The following GSE1 variants were observed in gnomAD, a reference collection of about 807,000 sequenced individuals.
GSE1 encodes genetic suppressor element 1.
GSE1 carries 32 observed loss-of-function variants against 112.6 expected under a neutral mutation model. That is an observed-to-expected ratio of 0.28 (90% CI 0.21 to 0.38). The LOEUF is 0.38. Among genes scored for constraint, GSE1 ranks in the 10% least tolerant of loss-of-function variants. GSE1 has a pLI of 1.00. For synonymous variants in GSE1, 1,115 were observed against 735.6 expected (o/e 1.52, Z -8.35); for missense variants, 2,348 against 1,699.2 (o/e 1.38, Z -6.71).
rs1234347072 is a variant in GSE1 at position 85,619,487 on chromosome 16, T to TG, written c.7+6095dup. On this transcript the variant is annotated intron_variant, in intron 1 of 15. Coordinates refer to ENST00000253458, the MANE Select transcript of GSE1 (RefSeq NM_014615.5). ...TAACCCTGAGTCTTATCTTCTGGGT[T>TG]GGGGGGCAAAGCCCGGGGGTGCCAA... Among the ~76,000 whole-genome samples the TG allele has an allele frequency of 2.6e-5, 4 of 152,096 alleles. No homozygotes were observed. In the South Asian group the frequency reaches 6.2e-4, roughly 24 times the overall value.
chr16:85,396,822 C>A (rs1252443457), intron 2 of GSE1, among the ~76,000 whole-genome samples: 1 of 152,184 alleles, frequency 6.6e-6, no homozygotes, highest in Non-Finnish European at 1.5e-5. Flanking sequence ...TGGGCGGTTG[C>A]CTGTTTCCTG....
At chr16:85,316,998 G>C (rs2045999765) in intron 1 of GSE1, among the ~76,000 whole-genome samples, 1 of 152,198 alleles carries the variant, frequency 6.6e-6, no homozygotes, top group African/African-American at 2.4e-5. Flanking sequence ...GCGAGTCTCA[G>C]GCCCCGTCCC....
chr16:85,628,888 G>A (rs1314788245), intron 1 of GSE1, among the ~76,000 whole-genome samples: 1 of 152,196 alleles, frequency 6.6e-6, no homozygotes, highest in Non-Finnish European at 1.5e-5. Context: ...GATAGGGTTT[G>A]GATGTGTGTC....
intron 2 of GSE1, among the ~76,000 whole-genome samples, chr16:85,359,604 C>T (rs1369160437): frequency 6.6e-6 from 1 of 152,316 alleles, no homozygotes; most frequent in East Asian, 1.9e-4. Flanking sequence ...GGCTGGGCAC[C>T]GAGGAAGAAC....
intron 2 of GSE1, among the ~76,000 whole-genome samples, chr16:85,440,896 C>T (rs925009707): frequency 2.0e-5 from 3 of 152,190 alleles, no homozygotes; most frequent in Non-Finnish European, 4.4e-5. Flanking sequence ...GCGGTCCCAC[C>T]GGAGTCCTCA....
At chr16:85,506,525 G>C (rs13338792) in intron 2 of GSE1, among the ~76,000 whole-genome samples, 1,602 of 152,230 alleles carry the variant, frequency 0.011, 27 homozygotes, top group African/African-American at 0.036. Flanking sequence ...GCCCGCTGAC[G>C]ATCAGGGGAG....
chr16:85,547,674 A>C (rs2044747511), intron 2 of GSE1, among the ~76,000 whole-genome samples: 1 of 151,838 alleles, frequency 6.6e-6, no homozygotes, highest in Admixed American at 6.6e-5. Flanking sequence ...TGAAGTCAGG[A>C]GTTCGAGACC....
At chr16:85,211,385 C>T (rs1411916096) in intron 1 of GSE1, among the ~76,000 whole-genome samples, 4 of 151,578 alleles carry the variant, frequency 2.6e-5, no homozygotes, top group Non-Finnish European at 2.9e-5. Context: ...GCATGCAGGG[C>T]GGAGTCCCAC....
At chr16:85,668,917 A>C (rs2053103458) in intron 14 of GSE1, among the ~76,000 whole-genome samples, 1 of 152,256 alleles carries the variant, frequency 6.6e-6, no homozygotes, top group Non-Finnish European at 1.5e-5. Context: ...GCCTAAAAAG[A>C]CAGGCTCCTG....
At chr16:85,179,572 C>G (rs529373529) in intron 1 of GSE1, among the ~76,000 whole-genome samples, 12 of 152,194 alleles carry the variant, frequency 7.9e-5, no homozygotes, top group Admixed American at 2.6e-4. Flanking sequence ...GACTGTTTTC[C>G]CGTTGGGGGT....
At chr16:85,541,735 A>G (rs1157574919) in intron 2 of GSE1, among the ~76,000 whole-genome samples, 1 of 152,216 alleles carries the variant, frequency 6.6e-6, no homozygotes. Flanking sequence ...GTTGATGAGC[A>G]GTACAGGGGG....
intron 2 of GSE1, among the ~76,000 whole-genome samples, chr16:85,509,279 C>A (rs1257610837): frequency 6.6e-6 from 1 of 152,180 alleles, no homozygotes; most frequent in Non-Finnish European, 1.5e-5. Flanking sequence ...TAACAAGAGT[C>A]CTGGTCGTGG....
Position 85,661,578 on chromosome 16 carries a change from C to G in GSE1, c.2073C>G (p.Ala691=). The G allele has an allele frequency of 6.2e-7, 1 of 1,610,574 alleles. No homozygotes were observed. Among genetic ancestry groups the G allele is most frequent in the Non-Finnish European group, 8.5e-7 (1 of 1,179,118 alleles). ...STQTILGQQR[A]SLPQAATFGE... is the part of the protein sequence containing the mutation. ...AGACCATCCTGGGCCAGCAGCGGGCCTCCCTCCCACAGGCGGCCACCTTCG... is the reference window on the plus strand; with the variant it reads ...AGACCATCCTGGGCCAGCAGCGGGCGTCCCTCCCACAGGCGGCCACCTTCG... The change falls in exon 9 of 16, where the codon GCC becomes GCG. Residue 691 remains alanine (A), a synonymous_variant. Coordinates refer to ENST00000253458, the MANE Select transcript of GSE1 (RefSeq NM_014615.5).
chr16:85,357,447 C>T, intron 1 of GSE1: 7 of 1,204,836 alleles, frequency 5.8e-6, no homozygotes, highest in South Asian at 1.5e-5. Context: ...ACTGTGTCCA[C>T]CTCTTTTCCT....
chr16:85,556,985 G>T (rs1354682867), intron 1 of GSE1, among the ~76,000 whole-genome samples: 1 of 152,070 alleles, frequency 6.6e-6, no homozygotes, highest in Non-Finnish European at 1.5e-5. Context: ...CGCTTGCCCT[G>T]TAACTTTCTG....
chr16:85,296,669 G>A (rs533530826), intron 1 of GSE1, among the ~76,000 whole-genome samples: 7 of 152,162 alleles, frequency 4.6e-5, no homozygotes, highest in Admixed American at 2.0e-4. Flanking sequence ...ATTTCTGAGC[G>A]CCCTTCAACT....
At chr16:85,341,766 C>G (rs570516214) in intron 1 of GSE1, among the ~76,000 whole-genome samples, 1 of 151,836 alleles carries the variant, frequency 6.6e-6, no homozygotes, top group East Asian at 2.0e-4. Context: ...CCCCAAAACA[C>G]TGGGATTACA....
intron 1 of GSE1, among the ~76,000 whole-genome samples, chr16:85,566,686 T>C (rs1215310694): frequency 1.3e-5 from 2 of 152,164 alleles, no homozygotes; most frequent in Non-Finnish European, 2.9e-5. Context: ...CCTCCCCACC[T>C]CTTGTCATTC....
At chr16:85,450,457 T>C (rs1358971086) in intron 2 of GSE1, among the ~76,000 whole-genome samples, 3 of 150,990 alleles carry the variant, frequency 2.0e-5, no homozygotes, top group African/African-American at 4.9e-5. Context: ...TTATTTTTTA[T>C]TTTTATTTTT....
Sources: allele counts gnomAD v4.1 joint callset (sites outside exome capture counted in the v4.1 genomes callset), GRCh38; gene constraint gnomAD v4.1.1; transcripts MANE v1.5; gene names NCBI Gene and HGNC (gene_info 2026-07-23, HGNC 2026-07-21).